Variants in KCNIP4 observed in about 807,000 individuals in gnomAD.
The protein encoded by KCNIP4 is Kv channel-interacting protein 4.
In KCNIP4, 12 loss-of-function variants were observed where a neutral mutation model predicts 34.0. That is an observed-to-expected ratio of 0.35 (90% CI 0.23 to 0.57). The LOEUF is 0.57. Among genes scored for constraint, KCNIP4 ranks in the 20% least tolerant of loss-of-function variants. The pLI, the probability that KCNIP4 is intolerant of heterozygous loss-of-function variation, is 0.83. For synonymous variants in KCNIP4, 124 were observed against 102.2 expected, an observed-to-expected ratio of 1.21 and a Z score of -1.29; for missense variants, 238 against 311.7, an observed-to-expected ratio of 0.76 and a Z score of 1.78.
intron 1 of KCNIP4, among the ~76,000 whole-genome samples, chr4:20,951,892 C>A (rs979413542): frequency 5.9e-5 from 9 of 152,098 alleles, no homozygotes; most frequent in Non-Finnish European, 1.0e-4. Context: ...CTTTTCTTTT[C>A]TTTGTTTCTT....
intron 1 of KCNIP4, among the ~76,000 whole-genome samples, chr4:20,927,102 C>T (rs568192481): frequency 5.9e-5 from 9 of 152,170 alleles, no homozygotes; most frequent in East Asian, 3.9e-4. Flanking sequence ...ACTTAGCCTC[C>T]GGAGTAGCTG....
intron 1 of KCNIP4, among the ~76,000 whole-genome samples, chr4:21,342,845 A>G (rs1341937614): frequency 6.6e-6 from 1 of 152,044 alleles, no homozygotes; most frequent in African/African-American, 2.4e-5. Flanking sequence ...CTAAATGTCA[A>G]TACTCAAAAC....
At chr4:20,830,310 T>C (rs889316839) in intron 3 of KCNIP4, among the ~76,000 whole-genome samples, 3 of 152,162 alleles carry the variant, frequency 2.0e-5, no homozygotes, top group Non-Finnish European at 4.4e-5. Flanking sequence ...AAATGACAAA[T>C]GCCAACTGCT....
At chr4:21,059,741 A>G (rs1743750432) in intron 1 of KCNIP4, among the ~76,000 whole-genome samples, 1 of 152,132 alleles carries the variant, frequency 6.6e-6, no homozygotes, top group Admixed American at 6.6e-5. Context: ...AAGATGTTTA[A>G]CCTAGAAAAA....
chr4:21,240,226 G>C (rs184336628), intron 1 of KCNIP4, among the ~76,000 whole-genome samples: 367 of 113,150 alleles, frequency 3.2e-3, no homozygotes, highest in Admixed American at 4.8e-3. Flanking sequence ...GACTGTTGTG[G>C]GGTGGGGGGA....
intron 1 of KCNIP4, among the ~76,000 whole-genome samples, chr4:21,709,602 A>T (rs1713558558): frequency 6.6e-6 from 1 of 152,044 alleles, no homozygotes; most frequent in African/African-American, 2.4e-5. Flanking sequence ...GATGCAAATA[A>T]TTTTTTTTAA....
At chr4:21,632,250 G>A (rs563912015) in intron 1 of KCNIP4, among the ~76,000 whole-genome samples, 1 of 152,106 alleles carries the variant, frequency 6.6e-6, no homozygotes, top group Non-Finnish European at 1.5e-5. Context: ...TTTCGCTCTT[G>A]TTGCCCAGGC....
chr4:21,853,567 T>G (rs959350626), intron 1 of KCNIP4, among the ~76,000 whole-genome samples: 13 of 152,302 alleles, frequency 8.5e-5, no homozygotes, highest in Admixed American at 8.5e-4. Context: ...ACCCAATCAC[T>G]TCCTAAAACC....
chr4:20,806,473 T>A (rs1715104499), intron 3 of KCNIP4, among the ~76,000 whole-genome samples: 1 of 152,072 alleles, frequency 6.6e-6, no homozygotes, highest in Admixed American at 6.6e-5. Flanking sequence ...ACTTGTTTTC[T>A]TTTCAGGATA....
At chr4:21,903,107 A>T (rs544455983) in intron 1 of KCNIP4, among the ~76,000 whole-genome samples, 2 of 152,278 alleles carry the variant, frequency 1.3e-5, no homozygotes, top group East Asian at 3.9e-4. Flanking sequence ...ACTGGTGCAA[A>T]CTGCTAATAA....
In KCNIP4 at chr4:21,861,058, T is replaced by C. The variant is rs182423072; in HGVS notation, c.61+87513A>G. Among the ~76,000 whole-genome samples, 415 of 152,324 alleles carry C rather than the reference T, an allele frequency of 2.7e-3. 4 individuals are homozygous for C. Among genetic ancestry groups the C allele is most frequent in the African/African-American group, 9.4e-3 (390 of 41,580 alleles). On this transcript the variant is annotated intron_variant, in intron 1 of 8. Transcript: ENST00000382152. ...AAATGGGGCAGTTGTCAGATGTACA[T>C]AGATATTAAAGATTGAGTATTTTGT... is the stretch of plus-strand genomic sequence containing the variant.
chr4:21,654,497 G>GT (rs74402567), intron 1 of KCNIP4, among the ~76,000 whole-genome samples: 5,155 of 144,232 alleles, frequency 0.036, 189 homozygotes, highest in African/African-American at 0.1. Context: ...TGATTAAAAT[G>GT]TTTTTTTTTT....
chr4:20,847,462 C>G (rs918350899), intron 3 of KCNIP4, among the ~76,000 whole-genome samples: 1 of 152,196 alleles, frequency 6.6e-6, no homozygotes, highest in Admixed American at 6.5e-5. Context: ...GCCCAGGAAT[C>G]TGTGTCTTGA....
At chr4:21,581,425 G>A (rs749801776) in intron 1 of KCNIP4, among the ~76,000 whole-genome samples, 7 of 151,896 alleles carry the variant, frequency 4.6e-5, no homozygotes, top group Admixed American at 2.0e-4. Context: ...CACAATATTC[G>A]GGGGGAGGTA....
At chr4:21,773,582 T>C (rs1267272076) in intron 1 of KCNIP4, among the ~76,000 whole-genome samples, 1 of 152,206 alleles carries the variant, frequency 6.6e-6, no homozygotes, top group East Asian at 1.9e-4. Context: ...GAACTTGTTT[T>C]ATGAATCTGG....
chr4:21,501,709 T>TGTGTGTGTGTGTGTGTGTGTGTGTGC (rs1733363845), intron 1 of KCNIP4, among the ~76,000 whole-genome samples: 1 of 150,976 alleles, frequency 6.6e-6, no homozygotes, highest in African/African-American at 2.4e-5. Context: ...TGTGTGTGTG[T>TGTGTGTGTGTGTGTGTGTGTGTGTGC]GTGTGTGCGT....
chr4:20,936,834 A>G (rs1355647831), intron 1 of KCNIP4, among the ~76,000 whole-genome samples: 2 of 152,224 alleles, frequency 1.3e-5, no homozygotes, highest in African/African-American at 4.8e-5. Context: ...AAAAATGGCT[A>G]GCAATAAAAC....
At chr4:21,367,503 T>C (rs1465618619) in intron 1 of KCNIP4, among the ~76,000 whole-genome samples, 3 of 130,864 alleles carry the variant, frequency 2.3e-5, no homozygotes, top group Admixed American at 6.9e-5. Context: ...TTTCAAGAGC[T>C]TGAAAGGAAG....
intron 3 of KCNIP4, among the ~76,000 whole-genome samples, chr4:20,831,305 A>G (rs545209685): frequency 3.3e-5 from 5 of 152,278 alleles, no homozygotes; most frequent in African/African-American, 1.2e-4. Context: ...AGGCTTTTCA[A>G]GGTAAAACTC....
Sources: allele counts gnomAD v4.1 joint callset (sites outside exome capture counted in the v4.1 genomes callset), GRCh38; gene constraint gnomAD v4.1.1; transcripts MANE v1.5; gene names NCBI Gene and HGNC (gene_info 2026-07-23, HGNC 2026-07-21).